RGS6: variants seen among roughly 807,000 people sequenced by gnomAD.
RGS6 encodes regulator of G protein signaling 6.
RGS6 carries 30 observed loss-of-function variants against 78.5 expected under a neutral mutation model. The ratio of observed to expected loss-of-function variants is 0.38; its 90% CI spans 0.29 to 0.52. The LOEUF is 0.52. RGS6 is among the 20% of genes least tolerant of loss of function. RGS6 has a pLI of 0.85. For synonymous variants in RGS6, 206 were observed against 206.0 expected, an observed-to-expected ratio of 1.00 and a Z score of 0.00; for missense variants, 495 against 609.7, an observed-to-expected ratio of 0.81 and a Z score of 1.98.
intron 1 of RGS6, among the ~76,000 whole-genome samples, chr14:71,938,928 C>T (rs2090028961): frequency 1.3e-5 from 2 of 152,164 alleles, no homozygotes; most frequent in African/African-American, 4.8e-5. Flanking sequence ...CTGTGATTCA[C>T]CTATGGGCGC....
chr14:72,257,577 A>T (rs2057333236), intron 2 of RGS6, among the ~76,000 whole-genome samples: 2 of 152,228 alleles, frequency 1.3e-5, no homozygotes. Context: ...GTTCACTAGA[A>T]GCCCAAACCT....
chr14:72,257,726 T>A (rs1459565561), intron 2 of RGS6, among the ~76,000 whole-genome samples: 6 of 152,160 alleles, frequency 3.9e-5, no homozygotes, highest in African/African-American at 1.4e-4. Flanking sequence ...TTGGTCACCT[T>A]CTAGCAGAGA....
At chr14:71,973,295 TA>T (rs778641912) in intron 2 of RGS6, among the ~76,000 whole-genome samples, 109 of 152,286 alleles carry the variant, frequency 7.2e-4, no homozygotes, top group Middle Eastern at 3.4e-3. Context: ...GCCAAAACTT[TA>T]AAAACAGGTA....
At chr14:72,314,963 T>C (rs1368998443) in intron 2 of RGS6, among the ~76,000 whole-genome samples, 1 of 152,212 alleles carries the variant, frequency 6.6e-6, no homozygotes, top group Non-Finnish European at 1.5e-5. Context: ...GTGTGAAACA[T>C]TGCTTTGGGA....
chr14:71,995,840 A>G (rs11623492), intron 2 of RGS6, among the ~76,000 whole-genome samples: 22,822 of 152,120 alleles, frequency 0.15, 1,863 homozygotes, highest in East Asian at 0.21. Context: ...ATGTGGCCAT[A>G]GTTTATACAC....
intron 2 of RGS6, among the ~76,000 whole-genome samples, chr14:72,111,321 TTGC>T (rs1231282428): frequency 6.6e-6 from 1 of 152,188 alleles, no homozygotes; most frequent in Non-Finnish European, 1.5e-5. Context: ...ATGGATATTC[TTGC>T]TGTTTCTCTT....
At chr14:72,546,514 G>A (rs374731324) in intron 17 of RGS6, among the ~76,000 whole-genome samples, 5 of 152,134 alleles carry the variant, frequency 3.3e-5, no homozygotes, top group South Asian at 2.1e-4. Context: ...AGCTGTTCCC[G>A]CTGATGGTTC....
At chr14:72,623,821 T>C in the RGS6 span, among the ~76,000 whole-genome samples, 118 of 152,348 alleles carry the variant, frequency 7.7e-4, no homozygotes, top group Non-Finnish European at 1.3e-3. Flanking sequence ...ACCCATATTA[T>C]GTTCTCTAAA....
chr14:72,463,015 A>G (rs766356512), intron 6 of RGS6, among the ~76,000 whole-genome samples: 1 of 152,230 alleles, frequency 6.6e-6, no homozygotes, highest in Non-Finnish European at 1.5e-5. Flanking sequence ...GAAACTCGAT[A>G]AGCTCAATAT....
the RGS6 span, among the ~76,000 whole-genome samples, chr14:71,904,995 C>T: frequency 4.1e-5 from 6 of 146,072 alleles, no homozygotes; most frequent in Non-Finnish European, 8.9e-5. Context: ...GATTCCTGGG[C>T]CACATACCAC....
At chr14:72,279,381 G>T (rs529584901) in intron 2 of RGS6, among the ~76,000 whole-genome samples, 4 of 152,116 alleles carry the variant, frequency 2.6e-5, no homozygotes, top group Admixed American at 6.5e-5. Flanking sequence ...AGCTGCTGTT[G>T]CCTGCCAAAG....
chr14:72,518,236 C>A, intron 14 of RGS6, 115 bp from the exon 15 acceptor site: 1 of 934,138 alleles, frequency 1.1e-6, no homozygotes, highest in Non-Finnish European at 1.6e-6. Flanking sequence ...GGCATCAGGG[C>A]AGGCTGAGAG....
At chr14:72,400,368 C>G (rs569803277) in intron 3 of RGS6, among the ~76,000 whole-genome samples, 7 of 152,280 alleles carry the variant, frequency 4.6e-5, no homozygotes, top group Admixed American at 2.0e-4. Context: ...CAGTGAACTT[C>G]GAGCAATGAA....
At chr14:72,001,895 CTTTTTTTTTTT>C (rs59274317) in intron 2 of RGS6, among the ~76,000 whole-genome samples, 3 of 92,552 alleles carry the variant, frequency 3.2e-5, no homozygotes, top group African/African-American at 8.8e-5. Context: ...ATCCATTAAT[CTTTTTTTTTTT>C]TTTTTTTTTT....
chr14:72,371,650 G>T (rs755506553), intron 3 of RGS6, among the ~76,000 whole-genome samples: 18 of 152,148 alleles, frequency 1.2e-4, no homozygotes, highest in Non-Finnish European at 2.2e-4. Flanking sequence ...AATCCTAGCT[G>T]CTCAGGAGGC....
intron 2 of RGS6, among the ~76,000 whole-genome samples, chr14:72,089,522 C>T (rs138868670): frequency 2.6e-5 from 4 of 152,220 alleles, no homozygotes; most frequent in East Asian, 1.9e-4. Flanking sequence ...CTGTTAGATA[C>T]GAAGATTATC....
chr14:72,421,986 C>T (rs1405144598), intron 3 of RGS6, among the ~76,000 whole-genome samples: 5 of 152,172 alleles, frequency 3.3e-5, no homozygotes, highest in African/African-American at 1.2e-4. Context: ...TGGGAGGGAC[C>T]TGGTGGGTGG....
chr14:72,448,052 A>G (rs972788837), intron 3 of RGS6, among the ~76,000 whole-genome samples: 27 of 152,186 alleles, frequency 1.8e-4, no homozygotes, highest in African/African-American at 6.5e-4. Flanking sequence ...CAGCAAAACC[A>G]TGAACCAGGC....
chr14:72,477,078 C>T (rs1339858494), intron 11 of RGS6: 4 of 487,564 alleles, frequency 8.2e-6, no homozygotes, highest in African/African-American at 2.0e-5. Context: ...AATGAGTCAT[C>T]CCATGCCTTG....
Sources: gnomAD v4.1 joint callset for allele counts (sites outside exome capture counted in the v4.1 genomes callset) on GRCh38, gnomAD v4.1.1 for gene constraint, MANE v1.5 for transcripts, NCBI Gene and HGNC (gene_info 2026-07-23, HGNC 2026-07-21) for gene names.